CDCA2: variants seen among roughly 807,000 people sequenced by gnomAD.
CDCA2 encodes the protein cell division cycle associated 2.
A neutral mutation model predicts 67.0 loss-of-function variants in CDCA2; 44 were observed. The ratio of observed to expected loss-of-function variants is 0.66; its 90% CI spans 0.52 to 0.84. The LOEUF (loss-of-function observed/expected upper bound fraction) is 0.84, where lower values mean the gene tolerates loss of function less well. Ranked by LOEUF, CDCA2 falls within the 40% of genes least tolerant of loss-of-function variation. The probability of loss-of-function intolerance (pLI) is 0.00; values close to 1 mark genes in which losing one functional copy is unlikely to be tolerated. For synonymous variants in CDCA2, 447 were observed against 418.7 expected (o/e 1.07, Z -0.82); for missense variants, 1,253 against 1,203.2 (o/e 1.04, Z -0.61).
chr8:25,471,889 T>C (rs1803167616), intron 7 of CDCA2, among the ~76,000 whole-genome samples: 1 of 152,240 alleles, frequency 6.6e-6, no homozygotes, highest in South Asian at 2.1e-4. Context: ...AGAATAGATC[T>C]ACCATAGTAG....
chr8:25,463,330 A>C (rs1802775229), intron 4 of CDCA2, among the ~76,000 whole-genome samples: 1 of 152,214 alleles, frequency 6.6e-6, no homozygotes, highest in Non-Finnish European at 1.5e-5. Context: ...GTGATGGACT[A>C]AATATACAAT....
At chr8:25,474,652 G>A (rs915203920) in intron 7 of CDCA2, among the ~76,000 whole-genome samples, 2 of 152,188 alleles carry the variant, frequency 1.3e-5, no homozygotes, top group African/African-American at 4.8e-5. Flanking sequence ...ATCACTGGCT[G>A]GACTCTGCCT....
Position 25,492,204 on chromosome 8 carries a change from G to C in CDCA2, c.1671+3515G>C, listed in dbSNP as rs114342443. On this transcript the variant is annotated intron_variant, in intron 13 of 14. Coordinates refer to ENST00000330560, the MANE Select transcript of CDCA2 (RefSeq NM_152562.4). ...GGGCTCAATCACTTCTCTCACCCCAGCTTCCCAAAGTGCTGGGATTACAGG... is the reference window on the plus strand; with the variant it reads ...GGGCTCAATCACTTCTCTCACCCCACCTTCCCAAAGTGCTGGGATTACAGG... Among the ~76,000 whole-genome samples the C allele has an allele frequency of 8.5e-3, 1,287 of 152,222 alleles. 20 individuals are homozygous for C. The highest frequency in any genetic ancestry group is 0.029 in the African/African-American group (1,205 of 41,496).
intron 6 of CDCA2, 119 bp downstream of exon 6, chr8:25,468,532 G>GATGTGTGT: frequency 2.4e-5 from 10 of 423,122 alleles, no homozygotes; most frequent in Middle Eastern, 6.2e-4. Flanking sequence ...TGGTTCCTGG[G>GATGTGTGT]GTGTGTGTGT....
intron 13 of CDCA2, among the ~76,000 whole-genome samples, chr8:25,497,508 A>AT (rs1804276900): frequency 3.3e-5 from 3 of 91,616 alleles, no homozygotes; most frequent in Admixed American, 1.2e-4. Context: ...ATAAAAAATA[A>AT]AAAAAAAAAA....
chr8:25,468,154 T>C, intron 5 of CDCA2, 63 bp from the exon 6 acceptor site: 1 of 482,336 alleles, frequency 2.1e-6, no homozygotes, highest in East Asian at 5.3e-5. Context: ...AGAAAAAAAA[T>C]ATATATAATA....
chr8:25,486,355 C>T (rs1803774733), intron 11 of CDCA2, among the ~76,000 whole-genome samples: 1 of 152,178 alleles, frequency 6.6e-6, no homozygotes, highest in Non-Finnish European at 1.5e-5. Flanking sequence ...GGTGTCTTCC[C>T]TGGCGGAAAC....
chr8:25,507,763 G>C lies in CDCA2; in HGVS notation c.*25G>C. 1 of 1,581,558 alleles carries C rather than the reference G, an allele frequency of 6.3e-7. No individual in the cohort carries two copies. The highest frequency in any genetic ancestry group is 8.6e-7 in the Non-Finnish European group (1 of 1,167,740). On this transcript the variant is annotated 3_prime_UTR_variant, in exon 15 of 15. Transcript: ENST00000330560. ...ATTGACATTTCCTGCAGAGTCTGTGGCAAGAGGGAAAGTAACCATCTATGC... is the reference window on the plus strand; with the variant it reads ...ATTGACATTTCCTGCAGAGTCTGTGCCAAGAGGGAAAGTAACCATCTATGC...
Position 25,487,324 on chromosome 8 carries a change from A to C in CDCA2, c.1523A>C (p.Asn508Thr). The C allele has an allele frequency of 6.3e-7, 1 of 1,593,544 alleles. No homozygotes were observed. The highest frequency in any genetic ancestry group is 1.3e-5 in the African/African-American group (1 of 74,486). The change falls in exon 12 of 15, where the codon AAC (asparagine) becomes ACC (threonine). Residue 508 changes from asparagine to threonine, a missense_variant. Physicochemically the swap from Asn to Thr is moderately conservative, Grantham distance 65. Transcript: ENST00000330560. ...GTTGGTAGAATAACAAGGACTTCTA[A>C]CAGAAGAAATGTAAGTGTTTGTGTT... ...PKVGRITRTS[N>T]RRNQLVSVVE...
At chr8:25,504,910 C>G (rs1384461235) in intron 14 of CDCA2, among the ~76,000 whole-genome samples, 2 of 152,166 alleles carry the variant, frequency 1.3e-5, no homozygotes, top group African/African-American at 4.8e-5. Context: ...GAAACTAAGT[C>G]TTATTTTCAT....
intron 8 of CDCA2, among the ~76,000 whole-genome samples, 187 bp from the exon 9 acceptor site, chr8:25,483,212 G>A (rs536369369): frequency 6.6e-6 from 1 of 152,180 alleles, no homozygotes; most frequent in South Asian, 2.1e-4. Context: ...TAGTATCTAG[G>A]GGACATAGTT....
At chr8:25,490,821 C>T (rs982077526) in intron 13 of CDCA2, among the ~76,000 whole-genome samples, 1 of 152,104 alleles carries the variant, frequency 6.6e-6, no homozygotes, top group African/African-American at 2.4e-5. Context: ...AGTATTCTGC[C>T]CCACCCTAGG....
intron 5 of CDCA2, among the ~76,000 whole-genome samples, chr8:25,466,707 A>G (rs1466239253): frequency 6.6e-6 from 1 of 152,190 alleles, no homozygotes; most frequent in East Asian, 1.9e-4. Context: ...AAATTCATAT[A>G]AATTTTATAT....
chr8:25,479,208 C>T (rs946316023), intron 7 of CDCA2, among the ~76,000 whole-genome samples: 2 of 152,048 alleles, frequency 1.3e-5, no homozygotes, highest in Non-Finnish European at 2.9e-5. Flanking sequence ...TCCTGAGGAT[C>T]CTCATGTTAC....
chr8:25,503,287 A>G, intron 13 of CDCA2, 86 bp from the exon 14 acceptor site: 4 of 999,766 alleles, frequency 4.0e-6, no homozygotes, highest in Non-Finnish European at 6.1e-6. Flanking sequence ...TGTCTCAAAA[A>G]TAAATAAAAA....
intron 4 of CDCA2, among the ~76,000 whole-genome samples, chr8:25,464,799 A>G (rs1275303234): frequency 1.3e-5 from 2 of 152,096 alleles, no homozygotes; most frequent in Non-Finnish European, 2.9e-5. Context: ...CCTTTTTTGA[A>G]TATTATTGCT....
chr8:25,470,765 T>A (rs1367858714), intron 7 of CDCA2, among the ~76,000 whole-genome samples: 1 of 125,964 alleles, frequency 7.9e-6, no homozygotes, highest in Non-Finnish European at 1.7e-5. Flanking sequence ...GCTTTGTTTT[T>A]CTTTTTTTTT....
rs764574548 is a variant in CDCA2, at chr8:25,485,792, G to A, written c.1399G>A (p.Val467Ile). 49 of 1,606,590 alleles carry A rather than the reference G, an allele frequency of 3.0e-5. No individual in the cohort carries two copies. Among genetic ancestry groups the A allele is most frequent in the Middle Eastern group, 3.3e-4 (2 of 6,052 alleles). Reference sequence around the variant, plus strand: ...AGAACCACTTCAAGTATCATTTGCCGTTCTCAGTTCTCCTAATAAATCATC... The same window carrying A: ...AGAACCACTTCAAGTATCATTTGCCATTCTCAGTTCTCCTAATAAATCATC... ...NIEPLQVSFA[V>I]LSSPNKSSIS... Residue 467 changes from valine to isoleucine, a missense_variant, in exon 11 of 15, where the codon GTT (valine) becomes ATT (isoleucine). Coordinates refer to ENST00000330560, the MANE Select transcript of CDCA2 (RefSeq NM_152562.4).
At chr8:25,463,408 A>G (rs1802778116) in intron 4 of CDCA2, among the ~76,000 whole-genome samples, 1 of 152,206 alleles carries the variant, frequency 6.6e-6, no homozygotes, top group Non-Finnish European at 1.5e-5. Flanking sequence ...TAACATCATA[A>G]AACAATGCAT....
Sources: gnomAD v4.1 joint callset for allele counts (sites outside exome capture counted in the v4.1 genomes callset) on GRCh38, gnomAD v4.1.1 for gene constraint, MANE v1.5 for transcripts, NCBI Gene and HGNC (gene_info 2026-07-23, HGNC 2026-07-21) for gene names.